TAFA5: variants seen among roughly 807,000 people sequenced by gnomAD.
TAFA5 encodes the protein TAFA chemokine like family member 5.
Under a neutral mutation model 15.3 loss-of-function variants are expected in TAFA5, and 6 were observed. The observed-to-expected ratio is 0.39, with a 90% CI of 0.21 to 0.77. The LOEUF (loss-of-function observed/expected upper bound fraction) is 0.77. Ranked by LOEUF, TAFA5 falls within the 30% of genes least tolerant of loss-of-function variation. TAFA5 has a pLI of 0.41. For synonymous variants in TAFA5, 103 were observed against 80.7 expected, an observed-to-expected ratio of 1.28 and a Z score of -1.48; for missense variants, 161 against 193.1, an observed-to-expected ratio of 0.83 and a Z score of 0.98.
At chr22:48,586,656 G>T (rs1321203019) in intron 1 of TAFA5, among the ~76,000 whole-genome samples, 1 of 152,224 alleles carries the variant, frequency 6.6e-6, no homozygotes, top group East Asian at 1.9e-4. Flanking sequence ...TGCAGGGCTG[G>T]TGTTCTCAGG....
chr22:48,506,859 A>C (rs1038789085), intron 1 of TAFA5, among the ~76,000 whole-genome samples: 10 of 152,264 alleles, frequency 6.6e-5, no homozygotes, highest in Admixed American at 4.6e-4. Context: ...CATCCCTGGC[A>C]CACAGGCAGG....
intron 1 of TAFA5, among the ~76,000 whole-genome samples, chr22:48,626,842 T>A (rs1188379906): frequency 6.6e-6 from 1 of 152,244 alleles, no homozygotes; most frequent in Non-Finnish European, 1.5e-5. Context: ...AGGTCTCAGG[T>A]CCACTTTGAA....
At chr22:48,734,879 A>G (rs1180444841) in intron 3 of TAFA5, among the ~76,000 whole-genome samples, 1 of 152,158 alleles carries the variant, frequency 6.6e-6, no homozygotes, top group Non-Finnish European at 1.5e-5. Flanking sequence ...CTTACCTCAC[A>G]CCATGTTCAA....
chr22:48,721,397 G>A lies in TAFA5; in HGVS notation c.390+13553G>A, dbSNP rs192043158. 1.3e-4 allele frequency among the ~76,000 whole-genome samples: 20 copies of A among 152,278 alleles called. No homozygotes were observed. In the South Asian group the frequency reaches 1.5e-3, roughly 11 times the overall value. ...GCCTCCGTGCTGCTGTTTCAAGCCC[G>A]TCCACTGTGTGTGATCTCAGGTCCT... On this transcript the variant is annotated intron_variant, in intron 3 of 3. Transcript: ENST00000402357.
chr22:48,720,511 A>T (rs1288370015), intron 3 of TAFA5, among the ~76,000 whole-genome samples: 1 of 152,126 alleles, frequency 6.6e-6, no homozygotes, highest in African/African-American at 2.4e-5. Context: ...AGTAAATGGC[A>T]GACAGCACTC....
chr22:48,720,851 G>A (rs132251), intron 3 of TAFA5, among the ~76,000 whole-genome samples: 60,556 of 152,018 alleles, frequency 0.4, 13,021 homozygotes, highest in Non-Finnish European at 0.48. Flanking sequence ...TGCAGACCAC[G>A]GAATGCCCTG....
intron 2 of TAFA5, among the ~76,000 whole-genome samples, chr22:48,684,801 G>A (rs1268252463): frequency 6.6e-6 from 1 of 152,176 alleles, no homozygotes; most frequent in Non-Finnish European, 1.5e-5. Context: ...GGTGACCCCA[G>A]GGCCCGACCT....
chr22:48,522,600 A>G (rs1175813508), intron 1 of TAFA5, among the ~76,000 whole-genome samples: 2 of 152,134 alleles, frequency 1.3e-5, no homozygotes, highest in African/African-American at 4.8e-5. Flanking sequence ...GGCAACCTGA[A>G]GCCCTCCCCA....
At chr22:48,529,996 G>C (rs1441564335) in intron 1 of TAFA5, among the ~76,000 whole-genome samples, 1 of 152,098 alleles carries the variant, frequency 6.6e-6, no homozygotes, top group East Asian at 1.9e-4. Flanking sequence ...TGGATGCAGG[G>C]GCTGTGGGCC....
intron 3 of TAFA5, among the ~76,000 whole-genome samples, chr22:48,749,213 C>T (rs1261325575): frequency 6.6e-6 from 1 of 152,214 alleles, no homozygotes. Flanking sequence ...CCCTCAGATC[C>T]TCCAGCAGGA....
At chr22:48,722,056 G>C (rs1051676967) in intron 3 of TAFA5, among the ~76,000 whole-genome samples, 3 of 152,208 alleles carry the variant, frequency 2.0e-5, no homozygotes, top group Admixed American at 2.0e-4. Context: ...TACATACCCA[G>C]TTATGGGATT....
At chr22:48,554,073 G>A (rs564762741) in intron 1 of TAFA5, among the ~76,000 whole-genome samples, 60 of 152,320 alleles carry the variant, frequency 3.9e-4, no homozygotes, top group African/African-American at 1.3e-3. Context: ...TCGGGCGGCC[G>A]CTCAGAAGAG....
intron 1 of TAFA5, among the ~76,000 whole-genome samples, chr22:48,508,220 G>T (rs1426109369): frequency 1.3e-5 from 2 of 152,182 alleles, no homozygotes. Context: ...GAAGCCATGG[G>T]CAGCCGGCAG....
chr22:48,677,849 G>A (rs1333341448), intron 2 of TAFA5, among the ~76,000 whole-genome samples: 1 of 151,876 alleles, frequency 6.6e-6, no homozygotes, highest in Non-Finnish European at 1.5e-5. Flanking sequence ...AGGGATAGAG[G>A]AGTCCTGCAG....
intron 2 of TAFA5, among the ~76,000 whole-genome samples, chr22:48,667,978 A>G (rs868032353): frequency 0.032 from 27 of 834 alleles, no homozygotes; most frequent in African/African-American, 0.083. Flanking sequence ...TTCACTGGGA[A>G]CTGTAATCCC....
intron 1 of TAFA5, among the ~76,000 whole-genome samples, chr22:48,632,751 C>T (rs1010739364): frequency 1.3e-5 from 2 of 152,128 alleles, no homozygotes; most frequent in African/African-American, 2.4e-5. Flanking sequence ...CCCCTCCTGA[C>T]GGGGAGCAGC....
At chr22:48,673,578 G>A (rs767389153) in intron 2 of TAFA5, among the ~76,000 whole-genome samples, 11 of 152,194 alleles carry the variant, frequency 7.2e-5, no homozygotes, top group South Asian at 4.1e-4. Context: ...GTGCCCTGTC[G>A]CTGCTGGACT....
chr22:48,567,021 C>T (rs1011102129), intron 1 of TAFA5, among the ~76,000 whole-genome samples: 2 of 152,212 alleles, frequency 1.3e-5, no homozygotes, highest in African/African-American at 4.8e-5. Context: ...CTCCAGGTTT[C>T]GCTGTTCCAC....
intron 2 of TAFA5, among the ~76,000 whole-genome samples, chr22:48,683,887 G>A (rs923421314): frequency 5.3e-5 from 8 of 152,034 alleles, no homozygotes; most frequent in East Asian, 1.9e-4. Context: ...CCCCTCCCCC[G>A]TTGCCGGCTC....
Sources: allele counts gnomAD v4.1 joint callset (sites outside exome capture counted in the v4.1 genomes callset), GRCh38; gene constraint gnomAD v4.1.1; transcripts MANE v1.5; gene names NCBI Gene and HGNC (gene_info 2026-07-23, HGNC 2026-07-21).